Variants in ADAMTSL1 observed in about 807,000 individuals in gnomAD.
ADAMTSL1 encodes ADAMTS like 1.
In ADAMTSL1, 126 loss-of-function variants were observed where a neutral mutation model predicts 201.8. The observed-to-expected ratio is 0.62, with a 90% CI of 0.54 to 0.72. The LOEUF (loss-of-function observed/expected upper bound fraction) is 0.72, where lower values mean the gene tolerates loss of function less well. Ranked by LOEUF, ADAMTSL1 falls within the 30% of genes least tolerant of loss-of-function variation. ADAMTSL1 has a pLI of 0.00. For synonymous variants in ADAMTSL1, 1,121 were observed against 903.4 expected (o/e 1.24, Z -4.32); for missense variants, 2,679 against 2,277.8 (o/e 1.18, Z -3.59).
At chr9:18,066,296 C>T (rs1394877185) in intron 1 of ADAMTSL1, among the ~76,000 whole-genome samples, 1 of 152,032 alleles carries the variant, frequency 6.6e-6, no homozygotes, top group African/African-American at 2.4e-5. Context: ...ATAAATTGCT[C>T]ATATTTCTGG....
At chr9:18,103,051 A>G (rs1824600228) in intron 1 of ADAMTSL1, among the ~76,000 whole-genome samples, 1 of 152,140 alleles carries the variant, frequency 6.6e-6, no homozygotes, top group South Asian at 2.1e-4. Context: ...CCACTTTTAT[A>G]TATGTTGTCT....
intron 2 of ADAMTSL1, among the ~76,000 whole-genome samples, chr9:18,426,132 T>C (rs1001299932): frequency 1.3e-5 from 2 of 152,080 alleles, no homozygotes; most frequent in Non-Finnish European, 2.9e-5. Flanking sequence ...CTCAGAATCA[T>C]ATAGATCAGA....
intron 2 of ADAMTSL1, among the ~76,000 whole-genome samples, chr9:18,406,751 A>G (rs1272723444): frequency 1.3e-5 from 2 of 152,152 alleles, no homozygotes; most frequent in Admixed American, 6.5e-5. Context: ...TATTCTACTC[A>G]TGTTGCTTAA....
chr9:18,795,077 C>T (rs1038109172), intron 19 of ADAMTSL1, among the ~76,000 whole-genome samples: 2 of 152,198 alleles, frequency 1.3e-5, no homozygotes, highest in African/African-American at 2.4e-5. Flanking sequence ...CTAGCATCCC[C>T]CCTTCCCCCG....
At chr9:18,484,909 G>C (rs774016763) in intron 1 of ADAMTSL1, among the ~76,000 whole-genome samples, 1 of 152,154 alleles carries the variant, frequency 6.6e-6, no homozygotes. Context: ...GGAAAGTAGA[G>C]ACAAGTTTCT....
At chr9:18,663,944 GC>G (rs1280725770) in intron 9 of ADAMTSL1, among the ~76,000 whole-genome samples, 2 of 152,024 alleles carry the variant, frequency 1.3e-5, no homozygotes, top group African/African-American at 4.8e-5. Flanking sequence ...TGCAATTTAT[GC>G]CTTTTCTATG....
At chr9:18,715,574 A>G (rs1171255091) in intron 14 of ADAMTSL1, among the ~76,000 whole-genome samples, 1 of 152,140 alleles carries the variant, frequency 6.6e-6, no homozygotes, top group Non-Finnish European at 1.5e-5. Flanking sequence ...CCACTACTCA[A>G]GGAAATAAAA....
At chr9:17,927,935 A>G (rs905217643) in intron 1 of ADAMTSL1, among the ~76,000 whole-genome samples, 57 of 151,322 alleles carry the variant, frequency 3.8e-4, no homozygotes, top group Non-Finnish European at 8.8e-5. Context: ...TAATGTTGCT[A>G]TGAAATTGAT....
chr9:18,400,365 G>T (rs996143573), intron 2 of ADAMTSL1, among the ~76,000 whole-genome samples: 2 of 152,004 alleles, frequency 1.3e-5, no homozygotes, highest in African/African-American at 2.4e-5. Context: ...AATTTTTGTT[G>T]ATAGTTTTAA....
chr9:17,958,652 G>A (rs948807037), intron 1 of ADAMTSL1, among the ~76,000 whole-genome samples: 1 of 152,028 alleles, frequency 6.6e-6, no homozygotes, highest in Non-Finnish European at 1.5e-5. Flanking sequence ...CACATACCAG[G>A]GAAGTTCAAG....
At chr9:18,523,384 T>A (rs1011530158) in intron 2 of ADAMTSL1, among the ~76,000 whole-genome samples, 8 of 152,246 alleles carry the variant, frequency 5.3e-5, no homozygotes, top group Non-Finnish European at 1.2e-4. Context: ...TCTCCCATTC[T>A]GTAGGTTGCC....
chr9:18,214,071 T>G (rs1829979516), intron 2 of ADAMTSL1, among the ~76,000 whole-genome samples: 1 of 152,114 alleles, frequency 6.6e-6, no homozygotes, highest in Non-Finnish European at 1.5e-5. Flanking sequence ...AAATTTTACG[T>G]ATTTAGTGTA....
At chr9:18,290,785 T>TTTTG (rs1563862870) in intron 2 of ADAMTSL1, among the ~76,000 whole-genome samples, 1 of 70,858 alleles carries the variant, frequency 1.4e-5, no homozygotes. Flanking sequence ...TTGTGTGTTT[T>TTTTG]TTTTTTTTTT....
intron 2 of ADAMTSL1, among the ~76,000 whole-genome samples, chr9:18,218,316 C>T (rs995562413): frequency 2.0e-5 from 3 of 152,154 alleles, no homozygotes; most frequent in Admixed American, 6.5e-5. Flanking sequence ...GGAATCACCA[C>T]TGAGTGAGGC....
At chr9:18,593,929 G>C (rs1297607992) in intron 4 of ADAMTSL1, among the ~76,000 whole-genome samples, 1 of 151,968 alleles carries the variant, frequency 6.6e-6, no homozygotes, top group East Asian at 1.9e-4. Flanking sequence ...GATCCATTTT[G>C]TCTTTAGTAC....
At chr9:18,550,043 G>T (rs1417371087) in intron 3 of ADAMTSL1, among the ~76,000 whole-genome samples, 4 of 151,928 alleles carry the variant, frequency 2.6e-5, no homozygotes, top group African/African-American at 7.2e-5. Flanking sequence ...GATGACAGCT[G>T]CTCTGGAAAG....
At chr9:18,341,534 A>G (rs1835463251) in intron 2 of ADAMTSL1, among the ~76,000 whole-genome samples, 1 of 152,132 alleles carries the variant, frequency 6.6e-6, no homozygotes, top group Admixed American at 6.5e-5. Context: ...AATGTCCTCC[A>G]TAGCCCTTTT....
At chr9:18,203,834 T>A (rs1021731007) in intron 2 of ADAMTSL1, among the ~76,000 whole-genome samples, 1 of 152,128 alleles carries the variant, frequency 6.6e-6, no homozygotes, top group Non-Finnish European at 1.5e-5. Flanking sequence ...ATAAACACCG[T>A]CAGTGGAAGA....
rs1013004882 is a variant in ADAMTSL1, at chr9:18,746,845, C to T, written c.2007-6453C>T. On this transcript the variant is annotated intron_variant, in intron 15 of 28. Transcript: ENST00000380548. ...ACACAAGCTGCCAAGAAGGGTCAAC[C>T]ATCATGGGTCGTTGATTACCCATAT... is the stretch of plus-strand genomic sequence containing the variant. Among the ~76,000 whole-genome samples, 16 of 151,958 alleles carry T rather than the reference C, an allele frequency of 1.1e-4. No homozygotes were observed. In the East Asian group the frequency reaches 3.1e-3, roughly 29 times the overall value.
Sources: allele counts gnomAD v4.1 joint callset (sites outside exome capture counted in the v4.1 genomes callset), GRCh38; gene constraint gnomAD v4.1.1; transcripts MANE v1.5; gene names NCBI Gene and HGNC (gene_info 2026-07-23, HGNC 2026-07-21).